Variants in TNIP3 observed in about 807,000 individuals in gnomAD.
TNIP3 encodes TNFAIP3 interacting protein 3.
A neutral mutation model predicts 54.1 loss-of-function variants in TNIP3; 34 were observed. That is an observed-to-expected ratio of 0.63 (90% CI 0.48 to 0.84). The LOEUF (loss-of-function observed/expected upper bound fraction) is 0.84, where lower values mean the gene tolerates loss of function less well. Among genes scored for constraint, TNIP3 ranks in the 40% least tolerant of loss-of-function variants. TNIP3 has a pLI of 0.00. For synonymous variants in TNIP3, 134 were observed against 136.8 expected, an observed-to-expected ratio of 0.98 and a Z score of 0.14; for missense variants, 366 against 387.6, an observed-to-expected ratio of 0.94 and a Z score of 0.47.
chr4:121,211,971 G>A (rs908885281), intron 2 of TNIP3, among the ~76,000 whole-genome samples: 1 of 152,168 alleles, frequency 6.6e-6, no homozygotes, highest in African/African-American at 2.4e-5. Flanking sequence ...CCAGTCTCTA[G>A]ACACACAAAT....
chr4:121,161,037 G>A, intron 2 of TNIP3, 99 bp downstream of exon 2: 9 of 940,922 alleles, frequency 9.6e-6, no homozygotes, highest in Non-Finnish European at 1.5e-5. Context: ...TAAATACTGT[G>A]ACCTGATAAC....
chr4:121,161,183 T>C lies in TNIP3; in HGVS notation c.100A>G (p.Asn34Asp). ...AEPSTRKNLM[N>D]SLEQKIRCLE... ...CACCTTATCTTTTGTTCAAGAGAAT[T>C]CATCAAGTTCTTTCTTGTTGATGGT... Residue 34 changes from asparagine to aspartate, a missense_variant, in exon 2 of 11, where the codon AAT (asparagine) becomes GAT (aspartate). Transcript: ENST00000057513. 5 of 1,587,808 alleles carry C rather than the reference T, an allele frequency of 3.1e-6. No individual in the cohort carries two copies. Among genetic ancestry groups the C allele is most frequent in the Non-Finnish European group, 4.3e-6 (5 of 1,164,106 alleles).
chr4:121,132,645 T>G lies in TNIP3; in HGVS notation c.964A>C (p.Lys322Gln), dbSNP rs1034633886. The part of the protein sequence containing the change: ...HKANGLSSVK[K>Q]VHP ...AGTGTGTACTTCTACGGATGGACTT[T>G]CTTTACTGAGGATAAACCTATGGAA... is the stretch of plus-strand genomic sequence containing the variant. The change falls in exon 11 of 11, where the codon AAA (lysine) becomes CAA (glutamine). Residue 322 changes from lysine to glutamine, a missense_variant. By Grantham distance (53) the Lys-to-Gln change is moderately conservative. Coordinates refer to ENST00000057513, the MANE Select transcript of TNIP3 (RefSeq NM_024873.6). The G allele has an allele frequency of 5.6e-5, 91 of 1,613,054 alleles. No homozygotes were observed. Among genetic ancestry groups the G allele is most frequent in the Non-Finnish European group, 7.5e-5 (89 of 1,179,202 alleles).
intron 2 of TNIP3, among the ~76,000 whole-genome samples, chr4:121,214,220 T>C (rs1464333722): frequency 3.9e-5 from 6 of 152,166 alleles, no homozygotes; most frequent in Non-Finnish European, 8.8e-5. Context: ...CCTGCCTCAC[T>C]GCCTCATCCC....
upstream of TNIP3, among the ~76,000 whole-genome samples, chr4:121,221,427 A>C (rs1035369823): frequency 6.6e-6 from 1 of 152,264 alleles, no homozygotes; most frequent in Non-Finnish European, 1.5e-5. Context: ...ATTTACAAGC[A>C]CAAAGCTAAA....
At chr4:121,167,078 T>C (rs866337631), upstream of TNIP3, among the ~76,000 whole-genome samples, 2 of 152,194 alleles carry the variant, frequency 1.3e-5, no homozygotes, top group East Asian at 1.9e-4. Context: ...GTTTTAAAGA[T>C]AGGACCATCA....
chr4:121,140,168 C>T (rs751129187), intron 9 of TNIP3, among the ~76,000 whole-genome samples: 9 of 152,022 alleles, frequency 5.9e-5, no homozygotes, highest in East Asian at 1.9e-4. Flanking sequence ...ACCCCATCTC[C>T]GCTAAAATTA....
At chr4:121,137,422 G>A (rs1328351529) in intron 10 of TNIP3, 2 of 152,104 alleles carry the variant, frequency 1.3e-5, no homozygotes, top group Admixed American at 1.3e-4. Flanking sequence ...GTAGTAGAAA[G>A]CAAAGAAAAA....
In TNIP3 at chr4:121,132,564, A is replaced by C. The variant is rs561447394; in HGVS notation, c.*67T>G. 3.6e-5 allele frequency: 52 copies of C among 1,461,396 alleles called. No homozygotes were observed. The East Asian group carries it at 9.5e-4, about 27-fold the overall frequency. The allele number at this position is 1,461,396 out of a possible 1,614,324, so 90.5% of individuals were successfully genotyped here. On this transcript the variant is annotated 3_prime_UTR_variant, in exon 11 of 11. Transcript: ENST00000057513. ...TGTGGCAGAAACAAGCCTCAGTATA[A>C]ACAAAGAAGAGGGTCCTCAGCCACG...
intron 1 of TNIP3, among the ~76,000 whole-genome samples, chr4:121,223,750 A>G (rs1727142592): frequency 5.9e-5 from 9 of 152,240 alleles, no homozygotes; most frequent in Admixed American, 5.9e-4. Flanking sequence ...AGGTATATGC[A>G]TAATTGTAAT....
chr4:121,173,754 G>A (rs752984712), intron 3 of TNIP3, among the ~76,000 whole-genome samples: 2 of 152,142 alleles, frequency 1.3e-5, no homozygotes, highest in East Asian at 1.9e-4. Flanking sequence ...TCAGCTTCCC[G>A]AGCAGCTGGG....
At chr4:121,182,022 C>G (rs548847676) in intron 3 of TNIP3, among the ~76,000 whole-genome samples, 96 of 152,128 alleles carry the variant, frequency 6.3e-4, no homozygotes, top group African/African-American at 2.3e-3. Flanking sequence ...TCTCAAACTA[C>G]TCACATTCTC....
intron 2 of TNIP3, among the ~76,000 whole-genome samples, chr4:121,196,502 A>C (rs1211317950): frequency 6.6e-6 from 1 of 152,198 alleles, no homozygotes; most frequent in Non-Finnish European, 1.5e-5. Context: ...ATGTAATAGA[A>C]ATCATAACAA....
At chr4:121,166,223 T>G (rs1730760474), upstream of TNIP3, among the ~76,000 whole-genome samples, 1 of 152,238 alleles carries the variant, frequency 6.6e-6, no homozygotes. Flanking sequence ...CCTTTGCCTC[T>G]TCTGTTATGC....
At chr4:121,158,663 T>C in intron 3 of TNIP3, 24 bp downstream of exon 3, 1 of 1,582,784 alleles carries the variant, frequency 6.3e-7, no homozygotes, top group Non-Finnish European at 8.7e-7. Flanking sequence ...TTAAAGAAAA[T>C]ACCGAATAGA....
intron 2 of TNIP3, among the ~76,000 whole-genome samples, chr4:121,210,187 T>C (rs1222334789): frequency 6.6e-6 from 1 of 152,174 alleles, no homozygotes; most frequent in Non-Finnish European, 1.5e-5. Flanking sequence ...CCTGAGCCCA[T>C]GGATGAAAAG....
chr4:121,210,065 T>A (rs1370724076), intron 2 of TNIP3, among the ~76,000 whole-genome samples: 1 of 152,190 alleles, frequency 6.6e-6, no homozygotes, highest in Non-Finnish European at 1.5e-5. Flanking sequence ...ACCACACTCT[T>A]AACCATAATA....
chr4:121,172,447 A>C (rs1724023343), intron 3 of TNIP3, among the ~76,000 whole-genome samples: 2 of 152,016 alleles, frequency 1.3e-5, no homozygotes, highest in Non-Finnish European at 2.9e-5. Context: ...CAATGAAAAA[A>C]CCCGTAAGAG....
chr4:121,179,411 G>A (rs1210098548), intron 3 of TNIP3, among the ~76,000 whole-genome samples: 1 of 152,120 alleles, frequency 6.6e-6, no homozygotes, highest in Non-Finnish European at 1.5e-5. Flanking sequence ...ACCCCAATAG[G>A]TATTTACCCC....
Sources: allele counts gnomAD v4.1 joint callset (sites outside exome capture counted in the v4.1 genomes callset), GRCh38; gene constraint gnomAD v4.1.1; transcripts MANE v1.5; gene names NCBI Gene and HGNC (gene_info 2026-07-23, HGNC 2026-07-21).